FAM186A: variants seen among roughly 807,000 people sequenced by gnomAD.
FAM186A encodes protein FAM186A.
FAM186A carries 163 observed loss-of-function variants against 216.8 expected under a neutral mutation model. That is an observed-to-expected ratio of 0.75 (90% confidence interval 0.66 to 0.86). The LOEUF is 0.86. Ranked by LOEUF, FAM186A falls within the 40% of genes least tolerant of loss-of-function variation. The pLI is 0.00. For missense variants in FAM186A, 2,184 were observed against 2,746.2 expected (o/e 0.80, Z 4.58); for synonymous variants, 805 against 1,025.3 (o/e 0.79, Z 4.10).
rs1166241864 is a variant in FAM186A at position 50,331,663 on chromosome 12, C to G, written c.6848+7G>C. ...CAAAGTTTAATATCAGTCTTTCTAGCACATACCTAAATTTCTTGCATATGT... is the reference window on the plus strand; with the variant it reads ...CAAAGTTTAATATCAGTCTTTCTAGGACATACCTAAATTTCTTGCATATGT... On this transcript the variant is annotated splice_region_variant and intron_variant, in intron 6 of 7. Coordinates refer to ENST00000327337, the MANE Select transcript of FAM186A (RefSeq NM_001145475.3). The G allele has an allele frequency of 4.6e-6, 7 of 1,537,480 alleles. No homozygotes were observed. The highest frequency in any genetic ancestry group is 1.4e-5 in the African/African-American group (1 of 71,926).
intron 1 of FAM186A, among the ~76,000 whole-genome samples, chr12:50,391,596 G>A (rs1943357927): frequency 2.0e-5 from 3 of 151,404 alleles, no homozygotes; most frequent in East Asian, 1.9e-4. Context: ...TTACAGGTGT[G>A]AGCCACCACG....
chr12:50,382,739 A>T (rs1197901371), intron 1 of FAM186A, among the ~76,000 whole-genome samples: 1 of 152,032 alleles, frequency 6.6e-6, no homozygotes, highest in Non-Finnish European at 1.5e-5. Context: ...GCAAAATAGA[A>T]GTTTAGATTT....
chr12:50,374,231 G>A (rs1943176621), intron 1 of FAM186A, among the ~76,000 whole-genome samples: 2 of 151,610 alleles, frequency 1.3e-5, no homozygotes, highest in Non-Finnish European at 2.9e-5. Context: ...CAGCGCACCA[G>A]CATGGCACAT....
At chr12:50,382,246 CAAAAA>C (rs562315357) in intron 1 of FAM186A, among the ~76,000 whole-genome samples, 2 of 57,180 alleles carry the variant, frequency 3.5e-5, no homozygotes, top group African/African-American at 1.0e-4. Flanking sequence ...AACTCCAACT[CAAAAA>C]AAAAAAAAAA....
At chr12:50,381,083 A>T (rs989134543) in intron 1 of FAM186A, among the ~76,000 whole-genome samples, 3 of 152,172 alleles carry the variant, frequency 2.0e-5, no homozygotes, top group Admixed American at 2.0e-4. Flanking sequence ...AGAAGCTTGG[A>T]GACACCAGGA....
At chr12:50,390,590 G>T (rs1467333527) in intron 1 of FAM186A, among the ~76,000 whole-genome samples, 1 of 152,118 alleles carries the variant, frequency 6.6e-6, no homozygotes, top group Non-Finnish European at 1.5e-5. Context: ...CTTTCCTGCT[G>T]CTGTCCATTA....
chr12:50,373,030 A>G lies in FAM186A; in HGVS notation c.193-9666T>C, dbSNP rs1223099218. Among the ~76,000 whole-genome samples the G allele has an allele frequency of 5.7e-4, 85 of 148,818 alleles. No homozygotes were observed. The Middle Eastern group carries it at 0.014, about 24-fold the overall frequency. Reference sequence around the variant, plus strand: ...AAGAAAGAAAGAAAGAAAGAAAGAAAGAAAGAAAGAAAGAAAGAAAGAAAG... The same window carrying G: ...AAGAAAGAAAGAAAGAAAGAAAGAAGGAAAGAAAGAAAGAAAGAAAGAAAG... On this transcript the variant is annotated intron_variant, in intron 1 of 7. Transcript: ENST00000327337.
chr12:50,327,678 A>G (rs1439980903), intron 7 of FAM186A, among the ~76,000 whole-genome samples: 1 of 151,700 alleles, frequency 6.6e-6, no homozygotes, highest in Non-Finnish European at 1.5e-5. Context: ...AGTAGCAGGG[A>G]CCACAGGTGC....
Position 50,350,523 on chromosome 12 carries a change from C to A in FAM186A, c.6309G>T (p.Lys2103Asn), listed in dbSNP as rs570588737. 8 of 1,551,628 alleles carry A rather than the reference C, an allele frequency of 5.2e-6. No individual in the cohort carries two copies. In the African/African-American group the frequency reaches 1.1e-4, roughly 21 times the overall value. The part of the protein sequence containing the change: ...PPSSPQELEE[K>N]RYFVDVEAQK... ...GAGCCTCCACATCAACAAAATACCTCTTTTCTTCAAGTTCTTGAGGAGAGG... is the reference window on the plus strand; with the variant it reads ...GAGCCTCCACATCAACAAAATACCTATTTTCTTCAAGTTCTTGAGGAGAGG... Residue 2103 changes from lysine (K) to asparagine (N), a missense_variant, in exon 4 of 8, where the codon AAG (lysine) becomes AAT (asparagine). Around this residue, in one of 7 missense-constraint regions of FAM186A, gnomAD observed 721 missense variants for 816.4 expected, o/e 0.88. Transcript: ENST00000327337.
At chr12:50,332,546 T>C (rs1346806584) in intron 5 of FAM186A, among the ~76,000 whole-genome samples, 1 of 152,198 alleles carries the variant, frequency 6.6e-6, no homozygotes, top group Non-Finnish European at 1.5e-5. Context: ...CCTCATCCTC[T>C]GGATTCTGGC....
intron 1 of FAM186A, among the ~76,000 whole-genome samples, chr12:50,381,802 A>G (rs1031923089): frequency 6.6e-6 from 1 of 152,140 alleles, no homozygotes; most frequent in South Asian, 2.1e-4. Context: ...TCTATAAAAA[A>G]TTAAAAAATT....
chr12:50,377,033 G>A (rs535134228), intron 1 of FAM186A, among the ~76,000 whole-genome samples: 1 of 152,208 alleles, frequency 6.6e-6, no homozygotes, highest in Non-Finnish European at 1.5e-5. Flanking sequence ...ATAGGCATGA[G>A]CCACTGCACC....
chr12:50,373,728 T>C (rs866051926), intron 1 of FAM186A, among the ~76,000 whole-genome samples: 2 of 152,282 alleles, frequency 1.3e-5, no homozygotes, highest in Admixed American at 6.5e-5. Flanking sequence ...TCAACCATTG[T>C]GGAAATCAGT....
intron 3 of FAM186A, among the ~76,000 whole-genome samples, chr12:50,359,542 A>G (rs1436346595): frequency 6.6e-6 from 1 of 152,188 alleles, no homozygotes; most frequent in Non-Finnish European, 1.5e-5. Flanking sequence ...TAAACTTACC[A>G]TATGTCCTAG....
intron 3 of FAM186A, among the ~76,000 whole-genome samples, chr12:50,358,597 A>C (rs1565888421): frequency 1.3e-5 from 2 of 150,438 alleles, no homozygotes; most frequent in African/African-American, 4.9e-5. Flanking sequence ...AAAACAAAAC[A>C]AAACAAAAAC....
intron 1 of FAM186A, among the ~76,000 whole-genome samples, chr12:50,367,815 G>T (rs1193621070): frequency 6.6e-6 from 1 of 151,980 alleles, no homozygotes; most frequent in Admixed American, 6.6e-5. Flanking sequence ...ATATGAAAAA[G>T]AAATTAAGAA....
chr12:50,390,314 G>A (rs1019967894), intron 1 of FAM186A, among the ~76,000 whole-genome samples: 2 of 152,078 alleles, frequency 1.3e-5, no homozygotes, highest in Admixed American at 6.6e-5. Context: ...GTAGACCCAG[G>A]GTCCTTCTTC....
chr12:50,351,056 G>C lies in FAM186A; in HGVS notation c.5776C>G (p.Pro1926Ala). 1 of 1,551,524 alleles carries C rather than the reference G, an allele frequency of 6.4e-7. No homozygotes were observed. Among genetic ancestry groups the C allele is most frequent in the Non-Finnish European group, 8.7e-7 (1 of 1,146,960 alleles). Reference protein sequence around the residue: ...PGRASSLWIPPTSRHPPTLWP... With the variant: ...PGRASSLWIPATSRHPPTLWP... Reference sequence around the variant, plus strand: ...AGTGTGGGAGGATGTCTAGAGGTGGGAGGGATCCATAATGAAGAAGCTCGC... The same window carrying C: ...AGTGTGGGAGGATGTCTAGAGGTGGCAGGGATCCATAATGAAGAAGCTCGC... The change falls in exon 4 of 8, where the codon CCC (proline) becomes GCC (alanine). Residue 1926 changes from proline (P) to alanine (A), a missense_variant. Coordinates refer to ENST00000327337, the MANE Select transcript of FAM186A (RefSeq NM_001145475.3).
intron 1 of FAM186A, among the ~76,000 whole-genome samples, chr12:50,372,993 AGG>A (rs1491122183): frequency 6.2e-4 from 18 of 29,254 alleles, no homozygotes; most frequent in South Asian, 1.2e-3. Flanking sequence ...GAAGGAAGGA[AGG>A]AATGAAAGAA....
Sources: allele counts gnomAD v4.1 joint callset (sites outside exome capture counted in the v4.1 genomes callset), GRCh38; gene constraint gnomAD v4.1.1; regional missense constraint gnomAD v4.1.1; transcripts MANE v1.5; gene names NCBI Gene and HGNC (gene_info 2026-07-23, HGNC 2026-07-21).